Variants in ANGPT1 observed in about 807,000 individuals in gnomAD.
ANGPT1 encodes angiopoietin 1.
ANGPT1 carries 17 observed loss-of-function variants against 62.2 expected under a neutral mutation model. The observed-to-expected ratio is 0.27, with a 90% CI of 0.19 to 0.41. The LOEUF is 0.41. Among genes scored for constraint, ANGPT1 ranks in the 10% least tolerant of loss-of-function variants. The pLI, the probability that ANGPT1 is intolerant of heterozygous loss-of-function variation, is 1.00. For missense variants in ANGPT1, 478 were observed against 594.9 expected (o/e 0.80, Z 2.04); for synonymous variants, 199 against 198.9 (o/e 1.00, Z 0.00).
intron 1 of ANGPT1, among the ~76,000 whole-genome samples, chr8:107,422,917 G>A (rs1157186298): frequency 6.6e-6 from 1 of 152,174 alleles, no homozygotes; most frequent in Non-Finnish European, 1.5e-5. Context: ...CATTTTCGCA[G>A]AGAAATTTGC....
chr8:107,262,280 G>C (rs377130633), intron 8 of ANGPT1, among the ~76,000 whole-genome samples: 75 of 152,258 alleles, frequency 4.9e-4, no homozygotes, highest in African/African-American at 1.8e-3. Flanking sequence ...TCAACCTAAT[G>C]ATTTATTTAT....
intron 1 of ANGPT1, among the ~76,000 whole-genome samples, chr8:107,443,374 G>A (rs1397151611): frequency 6.6e-6 from 1 of 152,164 alleles, no homozygotes; most frequent in Non-Finnish European, 1.5e-5. Context: ...GTGTCTTTGA[G>A]AAAGTTAATT....
At chr8:107,345,108 G>A (rs1260380549) in intron 2 of ANGPT1, among the ~76,000 whole-genome samples, 1 of 152,158 alleles carries the variant, frequency 6.6e-6, no homozygotes, top group Non-Finnish European at 1.5e-5. Context: ...GGCATAATTT[G>A]AGCCATTGTC....
In ANGPT1 at chr8:107,294,037, C is replaced by A. The variant is rs778934983; in HGVS notation, c.937G>T (p.Val313Leu). 1.9e-6 allele frequency: 3 copies of A among 1,606,982 alleles called. No individual in the cohort carries two copies. Among genetic ancestry groups the A allele is most frequent in the South Asian group, 1.1e-5 (1 of 89,754 alleles). The change falls in exon 6 of 9, where the codon GTG becomes TTG. Residue 313 changes from valine to leucine, a missense_variant and splice_region_variant. Physicochemically the swap from Val to Leu is conservative, Grantham distance 32. Coordinates refer to ENST00000517746, the MANE Select transcript of ANGPT1 (RefSeq NM_001146.5). ...CCATTGACATCCATATTGCAAAACA[C>A]CTGACAAATGGAAAACAAAGTCAAG... ...YINNMPEPKK[V>L]FCNMDVNGGG...
intron 2 of ANGPT1, among the ~76,000 whole-genome samples, chr8:107,342,015 C>T (rs535971076): frequency 7.2e-4 from 110 of 152,118 alleles, no homozygotes; most frequent in African/African-American, 2.6e-3. Context: ...ATTAGCATCA[C>T]GAGTAAGGAA....
intron 6 of ANGPT1, among the ~76,000 whole-genome samples, chr8:107,285,954 A>G (rs1814130574): frequency 6.6e-6 from 1 of 152,184 alleles, no homozygotes; most frequent in African/African-American, 2.4e-5. Flanking sequence ...AAATTCAAAG[A>G]AAAAGGTAGA....
intron 1 of ANGPT1, among the ~76,000 whole-genome samples, chr8:107,415,057 A>C (rs1040449110): frequency 6.6e-6 from 1 of 152,142 alleles, no homozygotes; most frequent in African/African-American, 2.4e-5. Context: ...TGGTTGTCAA[A>C]TTTAGTTTAC....
intron 1 of ANGPT1, among the ~76,000 whole-genome samples, chr8:107,410,710 A>G (rs922632697): frequency 2.0e-5 from 3 of 152,322 alleles, no homozygotes; most frequent in African/African-American, 7.2e-5. Flanking sequence ...GTGACTTAAC[A>G]AACAAATGGA....
chr8:107,311,030 AGT>A (rs369897883), intron 4 of ANGPT1, among the ~76,000 whole-genome samples: 1 of 148,640 alleles, frequency 6.7e-6, no homozygotes, highest in South Asian at 2.1e-4. Context: ...AGTGTGTGTG[AGT>A]GTGTGTGTGT....
intron 8 of ANGPT1, among the ~76,000 whole-genome samples, chr8:107,253,355 T>A (rs1813289486): frequency 6.6e-6 from 1 of 152,214 alleles, no homozygotes; most frequent in Admixed American, 6.5e-5. Flanking sequence ...TAATTTTTGA[T>A]CAGTACAGCT....
In ANGPT1 at chr8:107,370,337, A is replaced by C. The variant is rs1283200884; in HGVS notation, c.298-23240T>G. 1.1e-4 allele frequency among the ~76,000 whole-genome samples: 4 copies of C among 37,472 alleles called. 1 individual carries two copies. The highest frequency in any genetic ancestry group is 2.8e-4 in the African/African-American group (4 of 14,442). The allele number at this position is 37,472 out of a possible 152,430, so 24.6% of individuals were successfully genotyped here. ...AAGGAAGGAAAGAGAAAGGAAAGAA[A>C]GAAAAAGAAAGAAAGAAAGAAAGAA... On this transcript the variant is annotated intron_variant, in intron 1 of 8. Transcript: ENST00000517746.
intron 1 of ANGPT1, among the ~76,000 whole-genome samples, chr8:107,449,452 A>G (rs1292444558): frequency 2.0e-5 from 3 of 151,638 alleles, no homozygotes; most frequent in African/African-American, 7.3e-5. Flanking sequence ...ATATTAAGGG[A>G]AAATTTACTG....
At chr8:107,259,224 G>A (rs1395444655) in intron 8 of ANGPT1, among the ~76,000 whole-genome samples, 1 of 152,078 alleles carries the variant, frequency 6.6e-6, no homozygotes, top group African/African-American at 2.4e-5. Flanking sequence ...ATGCTTAGCA[G>A]GTCTTTCTTG....
intron 1 of ANGPT1, among the ~76,000 whole-genome samples, chr8:107,415,064 TTACTC>T (rs1810700839): frequency 6.6e-6 from 1 of 152,172 alleles, no homozygotes. Flanking sequence ...CAAATTTAGT[TTACTC>T]TGCTCTGATC....
At chr8:107,324,381 G>A (rs1489066759) in intron 3 of ANGPT1, among the ~76,000 whole-genome samples, 2 of 151,958 alleles carry the variant, frequency 1.3e-5, no homozygotes, top group Non-Finnish European at 2.9e-5. Flanking sequence ...AAGGGAAAAT[G>A]TTGAGAGACA....
At chr8:107,326,582 T>C (rs1227565525) in intron 3 of ANGPT1, among the ~76,000 whole-genome samples, 2 of 152,202 alleles carry the variant, frequency 1.3e-5, no homozygotes, top group Non-Finnish European at 2.9e-5. Flanking sequence ...TTGGCTAGTA[T>C]CTACTTTGGA....
chr8:107,397,689 C>T (rs970799828), intron 1 of ANGPT1, among the ~76,000 whole-genome samples: 6 of 152,076 alleles, frequency 3.9e-5, no homozygotes, highest in Admixed American at 3.9e-4. Flanking sequence ...GGTCTCAGAA[C>T]CAGCAAGTCA....
intron 1 of ANGPT1, among the ~76,000 whole-genome samples, chr8:107,348,586 A>G (rs1342493457): frequency 6.6e-6 from 1 of 152,192 alleles, no homozygotes; most frequent in Non-Finnish European, 1.5e-5. Flanking sequence ...AATACAAAAT[A>G]TATTATAATA....
chr8:107,283,604 T>C (rs1385535130), intron 7 of ANGPT1, among the ~76,000 whole-genome samples: 1 of 151,942 alleles, frequency 6.6e-6, no homozygotes, highest in Non-Finnish European at 1.5e-5. Context: ...ACCACACAGG[T>C]TGAAACAAAA....
Sources: gnomAD v4.1 joint callset for allele counts (sites outside exome capture counted in the v4.1 genomes callset) on GRCh38, gnomAD v4.1.1 for gene constraint, MANE v1.5 for transcripts, NCBI Gene and HGNC (gene_info 2026-07-23, HGNC 2026-07-21) for gene names.